UTRN: variants seen among roughly 807,000 people sequenced by gnomAD.
The protein encoded by UTRN is utrophin.
In UTRN, 283 loss-of-function variants were observed where a neutral mutation model predicts 463.9. The observed-to-expected ratio is 0.61, with a 90% CI of 0.55 to 0.67. The LOEUF is 0.67. UTRN is among the 30% of genes least tolerant of loss of function. UTRN has a pLI of 0.00. For missense variants in UTRN, 3,922 were observed against 4,084.3 expected, an observed-to-expected ratio of 0.96 and a Z score of 1.08; for synonymous variants, 1,442 against 1,431.5, an observed-to-expected ratio of 1.01 and a Z score of -0.17.
intron 51 of UTRN, among the ~76,000 whole-genome samples, chr6:144,579,882 G>A (rs943739204): frequency 1.3e-5 from 2 of 151,968 alleles, no homozygotes; most frequent in Non-Finnish European, 2.9e-5. Flanking sequence ...TTCACATTAC[G>A]GTAATTCGCA....
At chr6:144,597,608 C>T (rs758593961) in intron 51 of UTRN, among the ~76,000 whole-genome samples, 3 of 152,156 alleles carry the variant, frequency 2.0e-5, no homozygotes, top group Non-Finnish European at 4.4e-5. Context: ...TTGGTGTTGA[C>T]ATAATATCTT....
At chr6:144,574,492 TG>T (rs1801245106) in intron 50 of UTRN, among the ~76,000 whole-genome samples, 1 of 152,194 alleles carries the variant, frequency 6.6e-6, no homozygotes, top group Non-Finnish European at 1.5e-5. Flanking sequence ...AGTTGGTATT[TG>T]GGTTGTATTC....
intron 2 of UTRN, among the ~76,000 whole-genome samples, chr6:144,334,244 C>T (rs914381657): frequency 3.5e-5 from 5 of 144,322 alleles, no homozygotes; most frequent in African/African-American, 1.3e-4. Flanking sequence ...GCTATTCTTG[C>T]ATATGAAATC....
Position 144,632,642 on chromosome 6 carries a change from A to G in UTRN, c.7480-45764A>G, listed in dbSNP as rs898508465. Reference sequence around the variant, plus strand: ...TATTTAATTTTTACATCTTAACAGCAAGAGCATACCCGTGATTTGTTTTCA... The same window carrying G: ...TATTTAATTTTTACATCTTAACAGCGAGAGCATACCCGTGATTTGTTTTCA... On this transcript the variant is annotated intron_variant, in intron 51 of 74. Transcript: ENST00000367545. 5.3e-5 allele frequency among the ~76,000 whole-genome samples: 8 copies of G among 152,312 alleles called. No homozygotes were observed. The East Asian group carries it at 9.6e-4, about 18-fold the overall frequency.
chr6:144,550,832 C>A, intron 47 of UTRN, 133 bp from the exon 48 acceptor site: 1 of 594,040 alleles, frequency 1.7e-6, no homozygotes, highest in Non-Finnish European at 2.7e-6. Flanking sequence ...TCATTTTCTG[C>A]CACGTTGCTG....
At chr6:144,455,543 C>T (rs985051643) in intron 19 of UTRN, among the ~76,000 whole-genome samples, 6 of 152,120 alleles carry the variant, frequency 3.9e-5, no homozygotes, top group African/African-American at 1.4e-4. Context: ...AATCTGTGTA[C>T]TGAATTTACT....
intron 2 of UTRN, among the ~76,000 whole-genome samples, chr6:144,335,716 C>G (rs1057077264): frequency 2.0e-5 from 3 of 152,160 alleles, no homozygotes; most frequent in Non-Finnish European, 4.4e-5. Context: ...AATCTCGTGG[C>G]TCATAAATAA....
At chr6:144,633,078 A>C (rs559515647) in intron 51 of UTRN, among the ~76,000 whole-genome samples, 3 of 152,186 alleles carry the variant, frequency 2.0e-5, no homozygotes, top group African/African-American at 4.8e-5. Flanking sequence ...GGCATAATTT[A>C]GTATTTTGCC....
At chr6:144,626,564 G>A (rs867760661) in intron 51 of UTRN, among the ~76,000 whole-genome samples, 1 of 152,342 alleles carries the variant, frequency 6.6e-6, no homozygotes, top group South Asian at 2.1e-4. Flanking sequence ...GTTTGCACAT[G>A]TCCACAGCTG....
chr6:144,396,251 A>G (rs1370244626), intron 2 of UTRN, among the ~76,000 whole-genome samples: 6 of 152,246 alleles, frequency 3.9e-5, no homozygotes, highest in Non-Finnish European at 8.8e-5. Flanking sequence ...TGAAAACATT[A>G]TGCTAAATGA....
At chr6:144,597,041 A>G (rs1403616040) in intron 51 of UTRN, among the ~76,000 whole-genome samples, 2 of 152,192 alleles carry the variant, frequency 1.3e-5, no homozygotes, top group East Asian at 3.9e-4. Context: ...GATTGAGACT[A>G]TCCTGGCTAA....
chr6:144,807,415 T>C (rs1778240350), intron 65 of UTRN, among the ~76,000 whole-genome samples: 1 of 152,110 alleles, frequency 6.6e-6, no homozygotes, highest in South Asian at 2.1e-4. Flanking sequence ...ATATAAATTA[T>C]CTGAAGAAAT....
chr6:144,824,591 TATATATATATATATATATATATC>T (rs1562954858), intron 66 of UTRN, among the ~76,000 whole-genome samples: 4 of 53,004 alleles, frequency 7.5e-5, no homozygotes, highest in South Asian at 6.4e-4. Flanking sequence ...TATATATATA[TATATATATATATATATATATATC>T]TTTTTTTTTT....
At chr6:144,554,590 T>G in intron 48 of UTRN, 98 bp from the exon 49 acceptor site, 2 of 1,314,812 alleles carry the variant, frequency 1.5e-6, no homozygotes, top group African/African-American at 1.5e-5. Flanking sequence ...TTCTTCTGTT[T>G]ATAGACTTAT....
At chr6:144,470,649 TC>T (rs1191496964) in intron 23 of UTRN, among the ~76,000 whole-genome samples, 1 of 152,088 alleles carries the variant, frequency 6.6e-6, no homozygotes, top group Non-Finnish European at 1.5e-5. Flanking sequence ...GGCTGCAATC[TC>T]GGCACTTTGG....
intron 50 of UTRN, 127 bp from the exon 51 acceptor site, chr6:144,576,972 A>G: frequency 1.3e-6 from 1 of 753,792 alleles, no homozygotes; most frequent in East Asian, 2.7e-5. Context: ...TCTCCCAGTT[A>G]CCTATGGTGA....
rs1408175660 is a variant in UTRN at position 144,554,743 on chromosome 6, G to A, written c.6984G>A (p.Gln2328=). ...DGTQHGVELR[Q]QQLEDMIIDS... The stretch of plus-strand genomic sequence containing the variant: ...CCCAGCATGGCGTTGAGCTAAGACA[G>A]CAGCAGCTTGAGGACATGATTATTG... Residue 2328 remains glutamine, a synonymous_variant, in exon 49 of 75, where the codon CAG becomes CAA. Transcript: ENST00000367545. 2 of 1,613,900 alleles carry A rather than the reference G, an allele frequency of 1.2e-6. No individual in the cohort carries two copies. Among genetic ancestry groups the A allele is most frequent in the Non-Finnish European group, 1.7e-6 (2 of 1,179,982 alleles).
intron 2 of UTRN, among the ~76,000 whole-genome samples, chr6:144,376,271 A>G (rs1780452969): frequency 6.6e-6 from 1 of 152,046 alleles, no homozygotes; most frequent in South Asian, 2.1e-4. Flanking sequence ...CCTGGCCAAC[A>G]TGGTGAAACC....
chr6:144,561,916 A>G (rs1421421178), intron 50 of UTRN, among the ~76,000 whole-genome samples: 1 of 152,178 alleles, frequency 6.6e-6, no homozygotes, highest in African/African-American at 2.4e-5. Flanking sequence ...AAATTAGCAG[A>G]AGGTTGAGTC....
Sources: allele counts gnomAD v4.1 joint callset (sites outside exome capture counted in the v4.1 genomes callset), GRCh38; gene constraint gnomAD v4.1.1; transcripts MANE v1.5; gene names NCBI Gene and HGNC (gene_info 2026-07-23, HGNC 2026-07-21).